STAB1: variants seen among roughly 807,000 people sequenced by gnomAD.
STAB1 encodes the protein stabilin 1, also known as stabilin-1.
In STAB1, 250 loss-of-function variants were observed where a neutral mutation model predicts 332.4. The ratio of observed to expected loss-of-function variants is 0.75; its 90% CI spans 0.68 to 0.84. STAB1 has a LOEUF of 0.84. STAB1 is among the 40% of genes least tolerant of loss of function. The pLI is 0.00. For synonymous variants in STAB1, 1,475 were observed against 1,390.4 expected (o/e 1.06, Z -1.35); for missense variants, 3,249 against 3,489.7 (o/e 0.93, Z 1.74).
Position 52,524,404 on chromosome 3 carries a change from T to A in STAB1, c.*48T>A. ...AGCATGCACAGGGAGGAGACCACTT[T>A]TATTGCTTGTCTGGGTGGATGGGGC... On this transcript the variant is annotated 3_prime_UTR_variant, in exon 69 of 69. Transcript: ENST00000321725. 1 of 1,612,422 alleles carries A rather than the reference T, an allele frequency of 6.2e-7. No individual in the cohort carries two copies. Among genetic ancestry groups the A allele is most frequent in the Non-Finnish European group, 8.5e-7 (1 of 1,179,304 alleles).
In STAB1 at chr3:52,522,429, C is replaced by T. The variant is rs758012848; in HGVS notation, c.6565C>T (p.Pro2189Ser). Residue 2189 changes from proline to serine, a missense_variant, in exon 60 of 69, where the codon CCG (proline) becomes TCG (serine). By Grantham distance (74) the Pro-to-Ser change is moderately conservative. Transcript: ENST00000321725. ...PPVDRCLGQP[P>S]PCHSDAMCTD... ...TGTGGACCGCTGCTTGGGCCAGCCA[C>T]CGCCCTGCCACTCAGATGCCATGTG... 1 of 1,612,936 alleles carries T rather than the reference C, an allele frequency of 6.2e-7. No individual in the cohort carries two copies. Among genetic ancestry groups the T allele is most frequent in the African/African-American group, 1.3e-5 (1 of 74,952 alleles).
chr3:52,504,664 C>T lies in STAB1; in HGVS notation c.1240-75C>T. 3 of 1,612,380 alleles carry T rather than the reference C, an allele frequency of 1.9e-6. No individual in the cohort carries two copies. In the South Asian group the frequency reaches 3.3e-5, roughly 18 times the overall value. ...CAGGGCCTGGGATGCATCCTGTCCC[C>T]TCCATTGCTGGGTAGAGGTGGTGTG... On this transcript the variant is annotated intron_variant, in intron 11 of 68. Transcript: ENST00000321725.
At position 52,522,956 on chromosome 3, in the gene STAB1, C is replaced by T; in HGVS notation, c.6910+16C>T. ...CGTGTGCAAGGTGTGTCCACCCGAC[C>T]AAACCCTACTTCCCCTGCTCTGCCC... is the stretch of plus-strand genomic sequence containing the variant. On this transcript the variant is annotated intron_variant, in intron 62 of 68. Transcript: ENST00000321725. The T allele has an allele frequency of 6.2e-7, 1 of 1,609,460 alleles. No individual in the cohort carries two copies. Among genetic ancestry groups the T allele is most frequent in the Non-Finnish European group, 8.5e-7 (1 of 1,176,962 alleles).
At position 52,511,732 on chromosome 3, in the gene STAB1, G is replaced by A; in HGVS notation, c.2870G>A (p.Gly957Asp). The A allele has an allele frequency of 6.3e-7, 1 of 1,596,960 alleles. No homozygotes were observed. Residue 957 changes from glycine to aspartate, a missense_variant, in exon 26 of 69, where the codon GGC becomes GAC. Physicochemically the swap from Gly to Asp is moderately conservative, Grantham distance 94. Coordinates refer to ENST00000321725, the MANE Select transcript of STAB1 (RefSeq NM_015136.3). ...GACCCCTGCCGGGCAGGCAATGGCG[G>A]CTGCCACGGCCTGGTAAGGGGGTGC... ...PIDPCRAGNG[G>D]CHGLATCRAV... is the part of the protein sequence containing the mutation.
intron 22 of STAB1, 120 bp downstream of exon 22, chr3:52,509,441 T>C (rs1709130807): frequency 4.0e-6 from 3 of 749,638 alleles, no homozygotes; most frequent in East Asian, 2.9e-5. Flanking sequence ...CCAAGGGGAG[T>C]GGAGGAAGAT....
In STAB1 at chr3:52,522,082, CCAA is replaced by C. The variant is rs2079091938; in HGVS notation, c.6319_6321del (p.Asn2107del). ...GGGCATGGTGGCTGCAGTGAGCACGCCAACTGTAGCCAGGTAGGAACAATGGTC... is the reference window on the plus strand; with the variant it reads ...GGGCATGGTGGCTGCAGTGAGCACGCCTGTAGCCAGGTAGGAACAATGGTC... On this transcript the variant is annotated inframe_deletion, in exon 59 of 69. Coordinates refer to ENST00000321725, the MANE Select transcript of STAB1 (RefSeq NM_015136.3). 5 of 1,613,140 alleles carry C rather than the reference CCAA, an allele frequency of 3.1e-6. No homozygotes were observed. Among genetic ancestry groups the C allele is most frequent in the Non-Finnish European group, 4.2e-6 (5 of 1,180,024 alleles).
intron 1 of STAB1, among the ~76,000 whole-genome samples, chr3:52,499,707 C>T (rs1052028866): frequency 6.7e-6 from 1 of 150,282 alleles, no homozygotes; most frequent in South Asian, 2.2e-4. Flanking sequence ...AGACCAACCC[C>T]GCTAAAACGG....
rs150314414 is a variant in STAB1 at position 52,523,253 on chromosome 3, G to A, written c.7052G>A (p.Arg2351Gln). ...TTGGGCTATGCCAATGCCACCCAGC[G>A]GGGTCTCGACTTCCTGGACTTCCTG... ...MLLGYANATQ[R>Q]GLDFLDFLDD... Residue 2351 changes from arginine (R) to glutamine (Q), a missense_variant, in exon 64 of 69, where the codon CGG (arginine) becomes CAG (glutamine). Transcript: ENST00000321725. 2.2e-5 allele frequency: 35 copies of A among 1,613,302 alleles called. No individual in the cohort carries two copies. The highest frequency in any genetic ancestry group is 3.0e-5 in the Non-Finnish European group (35 of 1,180,012).
chr3:52,506,260 A>C lies in STAB1; in HGVS notation c.1830+10A>C. The C allele has an allele frequency of 6.2e-7, 1 of 1,608,726 alleles. No homozygotes were observed. Among genetic ancestry groups the C allele is most frequent in the Non-Finnish European group, 8.5e-7 (1 of 1,177,526 alleles). Reference sequence around the variant, plus strand: ...GAACATTTCTGAGGAGGTGAGGTGCACGGACACCTGGGCGGATGGTGGGGC... The same window carrying C: ...GAACATTTCTGAGGAGGTGAGGTGCCCGGACACCTGGGCGGATGGTGGGGC... On this transcript the variant is annotated intron_variant, in intron 17 of 68. Transcript: ENST00000321725.
At chr3:52,495,607 C>T (rs769232767) in intron 1 of STAB1, 116 bp downstream of exon 1, 219 of 954,020 alleles carry the variant, frequency 2.3e-4, no homozygotes, top group Non-Finnish European at 2.9e-4. Context: ...GCAGCTGGCG[C>T]CTGTCTGGCC....
At chr3:52,498,921 C>G (rs559492907) in intron 1 of STAB1, among the ~76,000 whole-genome samples, 1 of 152,254 alleles carries the variant, frequency 6.6e-6, no homozygotes, top group Non-Finnish European at 1.5e-5. Flanking sequence ...CTCTGAGCAA[C>G]TTCCCTGTTT....
Position 52,519,510 on chromosome 3 carries a change from T to A in STAB1, c.5181T>A (p.Asn1727Lys). 6.2e-7 allele frequency: 1 copy of A among 1,613,222 alleles called. No homozygotes were observed. Among genetic ancestry groups the A allele is most frequent in the South Asian group, 1.1e-5 (1 of 91,084 alleles). The change falls in exon 50 of 69, where the codon AAT becomes AAA. Residue 1727 changes from asparagine (N) to lysine (K), a missense_variant. Coordinates refer to ENST00000321725, the MANE Select transcript of STAB1 (RefSeq NM_015136.3). The stretch of plus-strand genomic sequence containing the variant: ...TTATGAGAGCCTTTCCTCAGAGAAA[T>A]GTCACCGCCGCCGCCCAGGGCTTCG... Reference protein sequence around the residue: ...EPDDAPIPRRNVTAAAQGFGY... With the variant: ...EPDDAPIPRRKVTAAAQGFGY...
rs1484152228 is a variant in STAB1 at position 52,511,704 on chromosome 3, A to T, written c.2842A>T (p.Ile948Phe). 6.2e-7 allele frequency: 1 copy of T among 1,608,308 alleles called. No individual in the cohort carries two copies. Residue 948 changes from isoleucine to phenylalanine, a missense_variant, in exon 26 of 69, where the codon ATC becomes TTC. Transcript: ENST00000321725. ...CGGGGATGGCTACCAGTGCAGCCCC[A>T]TCGACCCCTGCCGGGCAGGCAATGG... ...FAGDGYQCSP[I>F]DPCRAGNGGC...
chr3:52,520,068 AC>A lies in STAB1; in HGVS notation c.5362del (p.Arg1788ValfsTer4), dbSNP rs2079021414. ...CAGGCCTGGCTGTACCATGAGGACC[AC>A]CGTGACAAGCTAGCAGCCATTCTGC... ...DRQAWLYHEDHRDKLAAILRG... is the reference protein window; with the variant it reads ...DRQAWLYHEDXRDKLAAILRG... On this transcript the variant is annotated frameshift_variant, in exon 51 of 69. Transcript: ENST00000321725. LOFTEE classifies it high-confidence loss of function. 1 of 1,612,326 alleles carries A rather than the reference AC, an allele frequency of 6.2e-7. No individual in the cohort carries two copies.
rs201317313 is a variant in STAB1, at chr3:52,522,952, C to T, written c.6910+12C>T. On this transcript the variant is annotated intron_variant, in intron 62 of 68. Coordinates refer to ENST00000321725, the MANE Select transcript of STAB1 (RefSeq NM_015136.3). The stretch of plus-strand genomic sequence containing the variant: ...CTTCCGTGTGCAAGGTGTGTCCACC[C>T]GACCAAACCCTACTTCCCCTGCTCT... The T allele has an allele frequency of 4.5e-5, 73 of 1,609,692 alleles. No individual in the cohort carries two copies. The highest frequency in any genetic ancestry group is 8.9e-5 in the East Asian group (4 of 44,790).
At chr3:52,501,027 C>T (rs1182484791) in intron 1 of STAB1, 139 bp from the exon 2 acceptor site, 1 of 1,277,774 alleles carries the variant, frequency 7.8e-7, no homozygotes, top group Non-Finnish European at 1.1e-6. Context: ...GCTCTGTGCC[C>T]AGAACCCTCT....
rs1036735359 is a variant in STAB1, at chr3:52,505,536, A to T, written c.1582-132A>T. On this transcript the variant is annotated intron_variant, in intron 14 of 68. Transcript: ENST00000321725. ...CTCAAGCCTGAGGTTCTGTGGTAGC[A>T]TGGACCCATTGCCCATGTCTCCCCC... 5.0e-6 allele frequency: 6 copies of T among 1,192,180 alleles called. No homozygotes were observed. The Admixed American group carries it at 1.1e-4, about 22-fold the overall frequency. The allele number at this position is 1,192,180 out of a possible 1,614,324, so 73.9% of individuals were successfully genotyped here.
At chr3:52,506,362 C>T in intron 17 of STAB1, 112 bp downstream of exon 17, 2 of 980,662 alleles carry the variant, frequency 2.0e-6, no homozygotes, top group South Asian at 2.9e-5. Context: ...CACTGCTAGG[C>T]CATGGCGGGC....
rs150357714 is a variant in STAB1, at chr3:52,514,784, G to A, written c.3762G>A (p.Thr1254=). 16 of 1,612,918 alleles carry A rather than the reference G, an allele frequency of 9.9e-6. No homozygotes were observed. In the African/African-American group the frequency reaches 1.3e-4, roughly 13 times the overall value. ...RSLIGLSGVL[T]VGSSRCLHSH... ...TGATTGGTCTGTCGGGGGTCCTGACGGTGGGCTCAAGTCGCTGCCTGCATA... is the reference window on the plus strand; with the variant it reads ...TGATTGGTCTGTCGGGGGTCCTGACAGTGGGCTCAAGTCGCTGCCTGCATA... Residue 1254 remains threonine (T), a synonymous_variant, in exon 35 of 69, where the codon ACG becomes ACA. Transcript: ENST00000321725.
Sources: gnomAD v4.1 joint callset for allele counts (sites outside exome capture counted in the v4.1 genomes callset) on GRCh38, gnomAD v4.1.1 for gene constraint, MANE v1.5 for transcripts, NCBI Gene and HGNC (gene_info 2026-07-23, HGNC 2026-07-21) for gene names.